CSMD3: variants seen among roughly 807,000 people sequenced by gnomAD.
CSMD3 encodes the protein CUB and sushi domain-containing protein 3.
CSMD3 carries 177 observed loss-of-function variants against 435.2 expected under a neutral mutation model. The ratio of observed to expected loss-of-function variants is 0.41; its 90% CI spans 0.36 to 0.46. The LOEUF is 0.46. Among genes scored for constraint, CSMD3 ranks in the 20% least tolerant of loss-of-function variants. CSMD3 has a pLI of 0.34. For missense variants in CSMD3, 4,265 were observed against 4,504.6 expected (o/e 0.95, Z 1.52); for synonymous variants, 1,656 against 1,520.5 (o/e 1.09, Z -2.07).
intron 1 of CSMD3, among the ~76,000 whole-genome samples, chr8:113,425,261 T>C (rs1486361404): frequency 6.6e-6 from 1 of 151,498 alleles, no homozygotes; most frequent in Non-Finnish European, 1.5e-5. Flanking sequence ...AAGCATAATA[T>C]TCTAAATTTT....
intron 5 of CSMD3, among the ~76,000 whole-genome samples, chr8:113,021,533 C>T (rs2086684546): frequency 6.6e-6 from 1 of 152,072 alleles, no homozygotes; most frequent in Admixed American, 6.6e-5. Context: ...GTGTAATACA[C>T]CAAAGCAGAG....
chr8:112,673,117 A>G (rs2075695135), intron 16 of CSMD3, among the ~76,000 whole-genome samples: 1 of 152,032 alleles, frequency 6.6e-6, no homozygotes, highest in African/African-American at 2.4e-5. Flanking sequence ...TGTTCTTGAT[A>G]AAATCTAGAT....
At chr8:113,294,867 G>C (rs575211411) in intron 2 of CSMD3, among the ~76,000 whole-genome samples, 1 of 152,022 alleles carries the variant, frequency 6.6e-6, no homozygotes, top group South Asian at 2.1e-4. Context: ...ATAGTAATGC[G>C]GAGTCATAGA....
At chr8:112,330,280 A>G (rs1022149238) in intron 45 of CSMD3, among the ~76,000 whole-genome samples, 1 of 152,138 alleles carries the variant, frequency 6.6e-6, no homozygotes, top group Admixed American at 6.6e-5. Context: ...TTTCTTTACA[A>G]TAATGAGTCA....
intron 1 of CSMD3, among the ~76,000 whole-genome samples, chr8:113,373,924 A>T (rs1484203422): frequency 1.3e-5 from 2 of 152,086 alleles, no homozygotes; most frequent in African/African-American, 4.8e-5. Context: ...GAACTACATG[A>T]CATCTCACTT....
chr8:112,609,322 C>A (rs1442656149), intron 22 of CSMD3, among the ~76,000 whole-genome samples: 1 of 146,678 alleles, frequency 6.8e-6, no homozygotes, highest in Non-Finnish European at 1.5e-5. Context: ...ATTTTTTAAA[C>A]CTCAAGCAAC....
At chr8:112,366,651 G>A (rs1283797298) in intron 38 of CSMD3, among the ~76,000 whole-genome samples, 1 of 152,134 alleles carries the variant, frequency 6.6e-6, no homozygotes, top group Non-Finnish European at 1.5e-5. Flanking sequence ...GCCCGCCTTG[G>A]CCTCCCAAAG....
At chr8:112,837,552 C>G (rs2080062683) in intron 11 of CSMD3, among the ~76,000 whole-genome samples, 1 of 151,622 alleles carries the variant, frequency 6.6e-6, no homozygotes, top group South Asian at 2.1e-4. Context: ...TTACAATAAG[C>G]AAGGATTATA....
At chr8:112,534,144 G>C (rs1294160447) in intron 27 of CSMD3, among the ~76,000 whole-genome samples, 7 of 152,070 alleles carry the variant, frequency 4.6e-5, no homozygotes, top group Admixed American at 4.6e-4. Flanking sequence ...ACATTCAAAA[G>C]CTAGCAGAAG....
intron 1 of CSMD3, among the ~76,000 whole-genome samples, chr8:113,431,820 G>A (rs984706322): frequency 3.9e-5 from 6 of 152,014 alleles, no homozygotes; most frequent in East Asian, 3.9e-4. Flanking sequence ...ACTGTACTTA[G>A]AATCATGCAC....
chr8:112,948,867 A>C (rs1185383944), intron 8 of CSMD3, among the ~76,000 whole-genome samples: 1 of 152,004 alleles, frequency 6.6e-6, no homozygotes, highest in Non-Finnish European at 1.5e-5. Flanking sequence ...ATTCTAATGC[A>C]ATAAATCTAT....
In CSMD3 at chr8:112,226,805, A is replaced by C. The variant is rs573221283; in HGVS notation, c.10965-1875T>G. 4.6e-5 allele frequency among the ~76,000 whole-genome samples: 7 copies of C among 152,326 alleles called. No individual in the cohort carries two copies. The South Asian group carries it at 1.2e-3, about 27-fold the overall frequency. On this transcript the variant is annotated intron_variant, in intron 70 of 70. Coordinates refer to ENST00000297405, the MANE Select transcript of CSMD3 (RefSeq NM_198123.2). ...CCAACAAGCACATAAAAGGATGCTT[A>C]ACATCACCTATAATTATGAAAATGG...
At chr8:112,517,284 A>G (rs1004472179) in intron 27 of CSMD3, 59 bp from the exon 28 acceptor site, 3 of 1,229,934 alleles carry the variant, frequency 2.4e-6, no homozygotes, top group African/African-American at 3.0e-5. Context: ...AATTTCATAT[A>G]TCCCTGTGTT....
In CSMD3 at chr8:112,590,273, A is replaced by G. The variant is rs574484405; in HGVS notation, c.3716-3038T>C. 5.3e-5 allele frequency among the ~76,000 whole-genome samples: 8 copies of G among 152,268 alleles called. 1 individual carries two copies. The South Asian group carries it at 1.4e-3, about 28-fold the overall frequency. ...ACAATCACTCAAATAAAAATATAGT[A>G]TGTGAAAGCATATAACTGAGAGCCC... On this transcript the variant is annotated intron_variant, in intron 22 of 70. Transcript: ENST00000297405.
At chr8:113,239,688 C>T (rs781568401) in intron 3 of CSMD3, among the ~76,000 whole-genome samples, 3 of 151,632 alleles carry the variant, frequency 2.0e-5, no homozygotes, top group Non-Finnish European at 4.4e-5. Flanking sequence ...TTTGGAGTTT[C>T]GTGGTAGTAA....
At chr8:113,018,024 A>T (rs1232659016) in intron 6 of CSMD3, among the ~76,000 whole-genome samples, 1 of 152,000 alleles carries the variant, frequency 6.6e-6, no homozygotes, top group Non-Finnish European at 1.5e-5. Context: ...TTTAGAAATG[A>T]TCATTATTGC....
intron 10 of CSMD3, among the ~76,000 whole-genome samples, chr8:112,864,242 T>TG (rs1683930857): frequency 6.6e-6 from 1 of 151,662 alleles, no homozygotes; most frequent in South Asian, 2.1e-4. Flanking sequence ...TTGTTTTTGT[T>TG]TTGTTGTTGT....
intron 45 of CSMD3, among the ~76,000 whole-genome samples, chr8:112,326,398 C>T (rs533191473): frequency 6.6e-6 from 1 of 152,168 alleles, no homozygotes; most frequent in Non-Finnish European, 1.5e-5. Flanking sequence ...AAATCTCGGT[C>T]TGCTGTTGGC....
intron 54 of CSMD3, among the ~76,000 whole-genome samples, chr8:112,294,823 C>A (rs1029853283): frequency 2.0e-5 from 3 of 152,010 alleles, no homozygotes; most frequent in African/African-American, 7.2e-5. Context: ...TACATATATT[C>A]ATATGTTTTG....
Sources: gnomAD v4.1 joint callset for allele counts (sites outside exome capture counted in the v4.1 genomes callset) on GRCh38, gnomAD v4.1.1 for gene constraint, MANE v1.5 for transcripts, NCBI Gene and HGNC (gene_info 2026-07-23, HGNC 2026-07-21) for gene names.